The following ELF4 variants were observed in gnomAD, a reference collection of about 807,000 sequenced individuals.
ELF4 encodes ETS-related transcription factor Elf-4.
ELF4 carries 10 observed loss-of-function variants against 31.7 expected under a neutral mutation model. The ratio of observed to expected loss-of-function variants is 0.32; its 90% CI spans 0.19 to 0.54. The LOEUF is 0.54. Among genes scored for constraint, ELF4 ranks in the 20% least tolerant of loss-of-function variants. The pLI, the probability that ELF4 is intolerant of heterozygous loss-of-function variation, is 0.95. For missense variants in ELF4, 418 were observed against 522.0 expected (o/e 0.80, Z 1.94); for synonymous variants, 208 against 226.7 (o/e 0.92, Z 0.74).
intron 1 of ELF4, among the ~76,000 whole-genome samples, chrX:130,082,938 A>G (rs1266483262): frequency 9.0e-6 from 1 of 110,996 alleles, no homozygotes; most frequent in Non-Finnish European, 1.9e-5. Context: ...CCTGGCCCGG[A>G]AAGAAATGAG....
intron 1 of ELF4, among the ~76,000 whole-genome samples, chrX:130,095,740 A>G (rs1441445446): frequency 8.9e-6 from 1 of 112,085 alleles, no homozygotes; most frequent in Non-Finnish European, 1.9e-5. Context: ...GACTCTTCCT[A>G]TAAGCTCTGC....
In ELF4 at chrX:130,082,970, G is replaced by A. The variant is rs5977205; in HGVS notation, c.-209-1431C>T. Among the ~76,000 whole-genome samples, 834 of 110,616 alleles carry A rather than the reference G, an allele frequency of 7.5e-3. 13 individuals are homozygous for A. The highest frequency in any genetic ancestry group is 0.025 in the African/African-American group (767 of 30,402). On this transcript the variant is annotated intron_variant, in intron 1 of 8. Coordinates refer to ENST00000308167, the MANE Select transcript of ELF4 (RefSeq NM_001421.4). ...TGAGGAACTTCAGAGAGGGGCAAAG[G>A]GGAGGAAAGGGAGGGGGACCACGGT...
chrX:130,098,260 A>G (rs1933186185), intron 1 of ELF4, among the ~76,000 whole-genome samples: 1 of 111,386 alleles, frequency 9.0e-6, no homozygotes, highest in Admixed American at 9.6e-5. Context: ...TTCTTTTTAA[A>G]TTGTACCTTC....
At position 130,071,400 on chromosome X, in the gene ELF4, G is replaced by T. The variant is rs916548148; in HGVS notation, c.552C>A (p.Asn184Lys). The change falls in exon 6 of 9, where the codon AAC becomes AAA. Residue 184 changes from asparagine (N) to lysine (K), a missense_variant. By Grantham distance (94) the Asn-to-Lys change is moderately conservative. Coordinates refer to ENST00000308167, the MANE Select transcript of ELF4 (RefSeq NM_001421.4). ...SKKRIRKTKG[N>K]RSTSPVTDPS... ...GGTCAGTGACAGGTGAGGTACTTCG[G>T]TTGCCCTTGGTCTTCCGGACTATGA... The T allele has an allele frequency of 5.8e-6, 7 of 1,210,044 alleles. No individual in the cohort carries two copies. The highest frequency in any genetic ancestry group is 7.8e-6 in the Non-Finnish European group (7 of 895,182).
intron 1 of ELF4, among the ~76,000 whole-genome samples, chrX:130,088,537 G>A (rs1356046179): frequency 9.0e-6 from 1 of 111,448 alleles, no homozygotes; most frequent in African/African-American, 3.3e-5. Context: ...CACAGCAAAA[G>A]CCCGTCTCTA....
chrX:130,104,429 C>G (rs144441652), intron 1 of ELF4, among the ~76,000 whole-genome samples: 23 of 110,935 alleles, frequency 2.1e-4, no homozygotes, highest in Admixed American at 8.7e-4. Flanking sequence ...ATGCCCTGCC[C>G]GCATTGCCGA....
intron 1 of ELF4, among the ~76,000 whole-genome samples, chrX:130,097,657 G>A (rs1177153764): frequency 8.9e-6 from 1 of 112,177 alleles, no homozygotes; most frequent in Admixed American, 9.4e-5. Flanking sequence ...CTGTCTCCAT[G>A]AGGGGCAGCT....
intron 8 of ELF4, 26 bp from the exon 9 acceptor site, chrX:130,067,551 G>A: frequency 8.4e-7 from 1 of 1,195,005 alleles, no homozygotes; most frequent in Non-Finnish European, 1.1e-6. Context: ...GAACAGAGTT[G>A]GTTAAGGCAG....
rs1184953965 is a variant in ELF4 at position 130,071,388 on chromosome X, T to G, written c.564A>C (p.Ser188=). Residue 188 remains serine, a synonymous_variant, in exon 6 of 9, where the codon TCA becomes TCC. Transcript: ENST00000308167. ...TGGGGATGCTGGGGTCAGTGACAGGTGAGGTACTTCGGTTGCCCTTGGTCT... is the reference window on the plus strand; with the variant it reads ...TGGGGATGCTGGGGTCAGTGACAGGGGAGGTACTTCGGTTGCCCTTGGTCT... The part of the protein sequence containing the change: ...IRKTKGNRST[S]PVTDPSIPIR... 4 of 1,209,982 alleles carry G rather than the reference T, an allele frequency of 3.3e-6. No homozygotes were observed. The highest frequency in any genetic ancestry group is 4.5e-6 in the Non-Finnish European group (4 of 895,192).
intron 1 of ELF4, among the ~76,000 whole-genome samples, chrX:130,084,572 T>G (rs1932934500): frequency 9.0e-6 from 1 of 111,184 alleles, no homozygotes; most frequent in South Asian, 3.7e-4. Flanking sequence ...GATTGTGAGG[T>G]ATTGTGAAGC....
At chrX:130,111,827 C>T (rs1933494969), upstream of ELF4, among the ~76,000 whole-genome samples, 1 of 112,304 alleles carries the variant, frequency 8.9e-6, no homozygotes, top group Admixed American at 9.4e-5. Flanking sequence ...TCTGACCTGC[C>T]TCAACATCAA....
chrX:130,078,692 G>A (rs1400572261), intron 2 of ELF4, among the ~76,000 whole-genome samples: 2 of 109,511 alleles, frequency 1.8e-5, no homozygotes, highest in Non-Finnish European at 3.8e-5. Context: ...AGGAGATGGA[G>A]ATTGCAGTGA....
intron 1 of ELF4, among the ~76,000 whole-genome samples, chrX:130,096,909 C>T (rs773864072): frequency 2.1e-4 from 23 of 110,417 alleles, no homozygotes; most frequent in African/African-American, 7.7e-4. Context: ...CTCTCTGGAT[C>T]CCAATTTCCC....
At chrX:130,091,656 G>T (rs1175689820) in intron 1 of ELF4, among the ~76,000 whole-genome samples, 2 of 110,825 alleles carry the variant, frequency 1.8e-5, no homozygotes, top group Non-Finnish European at 3.8e-5. Context: ...GGGAGGTGTG[G>T]GATGCCAAAT....
chrX:130,079,039 GA>G (rs1464656642), intron 2 of ELF4, among the ~76,000 whole-genome samples: 79 of 111,371 alleles, frequency 7.1e-4, no homozygotes, highest in African/African-American at 2.3e-3. Context: ...CTGGGGGGAA[GA>G]AAGGAACTAA....
rs762789327 is a variant in ELF4 at position 130,070,326 on chromosome X, G to A, written c.810-649C>T. 1.9e-3 allele frequency among the ~76,000 whole-genome samples: 214 copies of A among 110,679 alleles called. 2 individuals carry two copies. The highest frequency in any genetic ancestry group is 6.6e-3 in the African/African-American group (200 of 30,491). On this transcript the variant is annotated intron_variant, in intron 7 of 8. Coordinates refer to ENST00000308167, the MANE Select transcript of ELF4 (RefSeq NM_001421.4). ...CGTGACTCACGCCTGTAATCCCAGT[G>A]CTTTGGGAGGCCGAGGTGGGCAGAT...
chrX:130,078,727 A>T (rs1286306413), intron 2 of ELF4, among the ~76,000 whole-genome samples: 1 of 107,203 alleles, frequency 9.3e-6, no homozygotes, highest in African/African-American at 3.4e-5. Context: ...ATTGCACTCT[A>T]GCCTGAGCAA....
chrX:130,082,319 A>C (rs1603204481), intron 1 of ELF4, among the ~76,000 whole-genome samples: 1 of 111,326 alleles, frequency 9.0e-6, no homozygotes, highest in East Asian at 2.9e-4. Flanking sequence ...TGTTTTCGTC[A>C]GCACCCCCCT....
chrX:130,090,902 T>G (rs1381490550), intron 1 of ELF4, among the ~76,000 whole-genome samples: 1 of 111,884 alleles, frequency 8.9e-6, no homozygotes, highest in East Asian at 2.8e-4. Context: ...AACCTCTGTC[T>G]CCTAGGCTCA....
Sources: allele counts gnomAD v4.1 joint callset (sites outside exome capture counted in the v4.1 genomes callset), GRCh38; gene constraint gnomAD v4.1.1; transcripts MANE v1.5; gene names NCBI Gene and HGNC (gene_info 2026-07-23, HGNC 2026-07-21).